Variants in ATG5 observed in about 807,000 individuals in gnomAD.
ATG5 encodes autophagy related 5, also known as autophagy protein 5.
ATG5 carries 14 observed loss-of-function variants against 36.5 expected under a neutral mutation model. That is an observed-to-expected ratio of 0.38 (90% confidence interval 0.25 to 0.60). The LOEUF is 0.60. ATG5 is among the 20% of genes least tolerant of loss of function. The pLI is 0.60. For missense variants in ATG5, 195 were observed against 326.7 expected (o/e 0.60, Z 3.11); for synonymous variants, 95 against 101.5 (o/e 0.94, Z 0.38).
intron 5 of ATG5, among the ~76,000 whole-genome samples, chr6:106,261,603 C>T (rs1779021725): frequency 6.6e-6 from 1 of 152,226 alleles, no homozygotes; most frequent in Non-Finnish European, 1.5e-5. Context: ...AGTTAAAATG[C>T]ACTCAACAAG....
intron 2 of ATG5, among the ~76,000 whole-genome samples, chr6:106,310,921 A>G (rs960802072): frequency 7.2e-5 from 11 of 152,242 alleles, no homozygotes; most frequent in Non-Finnish European, 1.5e-4. Context: ...GGAAACTATC[A>G]TTCTCTTATT....
intron 6 of ATG5, among the ~76,000 whole-genome samples, chr6:106,224,855 T>C (rs1018707594): frequency 6.6e-6 from 1 of 152,128 alleles, no homozygotes; most frequent in Admixed American, 6.5e-5. Context: ...CACTCCAGGC[T>C]GGGCAAAAAG....
intron 3 of ATG5, 89 bp downstream of exon 3, chr6:106,308,275 A>G: frequency 8.5e-7 from 1 of 1,173,436 alleles, no homozygotes; most frequent in Non-Finnish European, 1.1e-6. Flanking sequence ...CTATCCTCGC[A>G]GGACTTTTTT....
intron 1 of ATG5, among the ~76,000 whole-genome samples, chr6:106,322,924 T>C (rs1254556617): frequency 6.6e-6 from 1 of 151,964 alleles, no homozygotes; most frequent in Non-Finnish European, 1.5e-5. Context: ...CTATCATTTA[T>C]TTTATTTTAT....
intron 5 of ATG5, among the ~76,000 whole-genome samples, chr6:106,270,630 T>C (rs1779420202): frequency 6.6e-6 from 1 of 152,190 alleles, no homozygotes; most frequent in African/African-American, 2.4e-5. Flanking sequence ...TCTAGTCTAT[T>C]ATGCATTCTC....
At chr6:106,306,398 C>G (rs1250023982) in intron 3 of ATG5, among the ~76,000 whole-genome samples, 1 of 152,178 alleles carries the variant, frequency 6.6e-6, no homozygotes, top group African/African-American at 2.4e-5. Flanking sequence ...CCCAAATTTT[C>G]CAGAGTTCCT....
chr6:106,229,299 G>A (rs1303052107), intron 6 of ATG5, among the ~76,000 whole-genome samples: 1 of 152,212 alleles, frequency 6.6e-6, no homozygotes, highest in Non-Finnish European at 1.5e-5. Context: ...CTAGACATGG[G>A]CAGTTATGTG....
At chr6:106,232,088 C>A (rs1399278763) in intron 6 of ATG5, among the ~76,000 whole-genome samples, 1 of 152,208 alleles carries the variant, frequency 6.6e-6, no homozygotes, top group Admixed American at 6.5e-5. Flanking sequence ...AAGCCACTAA[C>A]CAGATGATCC....
At chr6:106,191,053 T>C (rs1317850210) in intron 7 of ATG5, among the ~76,000 whole-genome samples, 1 of 152,182 alleles carries the variant, frequency 6.6e-6, no homozygotes, top group Non-Finnish European at 1.5e-5. Context: ...TTTCTTTATA[T>C]ATAAAATGAA....
At chr6:106,197,069 G>A (rs1776224702) in intron 7 of ATG5, among the ~76,000 whole-genome samples, 1 of 152,196 alleles carries the variant, frequency 6.6e-6, no homozygotes, top group Non-Finnish European at 1.5e-5. Context: ...TTGTGCTGCT[G>A]TTAGGGGACA....
intron 1 of ATG5, among the ~76,000 whole-genome samples, chr6:106,321,928 T>C (rs1057072467): frequency 2.6e-5 from 4 of 152,156 alleles, no homozygotes; most frequent in African/African-American, 4.8e-5. Context: ...GAAAAATATA[T>C]AAATATATGA....
At chr6:106,291,690 C>T (rs761773863) in intron 4 of ATG5, among the ~76,000 whole-genome samples, 5 of 152,168 alleles carry the variant, frequency 3.3e-5, no homozygotes, top group Admixed American at 1.3e-4. Context: ...AGAAAAGACT[C>T]GTTAGGCAAT....
intron 6 of ATG5, among the ~76,000 whole-genome samples, chr6:106,206,834 G>T (rs1370991920): frequency 6.6e-6 from 1 of 152,130 alleles, no homozygotes; most frequent in African/African-American, 2.4e-5. Flanking sequence ...GCTCTCATTA[G>T]CCCGATGTTA....
chr6:106,205,774 G>A (rs1776607339), intron 6 of ATG5, among the ~76,000 whole-genome samples: 1 of 151,812 alleles, frequency 6.6e-6, no homozygotes, highest in Non-Finnish European at 1.5e-5. Context: ...TGCTTACTGG[G>A]GACAAAGCCC....
intron 4 of ATG5, among the ~76,000 whole-genome samples, chr6:106,285,169 C>A (rs1780028038): frequency 6.6e-6 from 1 of 152,160 alleles, no homozygotes; most frequent in Non-Finnish European, 1.5e-5. Flanking sequence ...GTTCAAAGAA[C>A]CTTACTTCTG....
chr6:106,320,625 G>GA (rs66941172), intron 1 of ATG5, among the ~76,000 whole-genome samples: 53,819 of 142,714 alleles, frequency 0.38, 12,263 homozygotes, highest in African/African-American at 0.67. Context: ...AGGCTGTTCT[G>GA]AAAAAAAAAA....
intron 6 of ATG5, among the ~76,000 whole-genome samples, chr6:106,227,255 T>C (rs1269085987): frequency 6.6e-6 from 1 of 152,136 alleles, no homozygotes. Context: ...TCAGAAATGA[T>C]GTTGTCAATA....
intron 7 of ATG5, among the ~76,000 whole-genome samples, chr6:106,190,179 G>A (rs1421840639): frequency 6.6e-6 from 1 of 152,156 alleles, no homozygotes; most frequent in East Asian, 1.9e-4. Context: ...TGTCTGTGAT[G>A]CTATAATTGG....
intron 6 of ATG5, among the ~76,000 whole-genome samples, chr6:106,214,476 T>C (rs115899515): frequency 0.013 from 2,054 of 152,220 alleles, 46 homozygotes; most frequent in African/African-American, 0.047. Context: ...TAATTAACAT[T>C]TGAAAAGCTG....
Sources: allele counts gnomAD v4.1 joint callset (sites outside exome capture counted in the v4.1 genomes callset), GRCh38; gene constraint gnomAD v4.1.1; transcripts MANE v1.5; gene names NCBI Gene and HGNC (gene_info 2026-07-23, HGNC 2026-07-21).